Variants in MAGI2 observed in about 807,000 individuals in gnomAD.
MAGI2 encodes membrane associated guanylate kinase, WW and PDZ domain containing 2.
A neutral mutation model predicts 133.3 loss-of-function variants in MAGI2; 35 were observed. The ratio of observed to expected loss-of-function variants is 0.26; its 90% CI spans 0.20 to 0.35. The LOEUF (loss-of-function observed/expected upper bound fraction) is 0.35, where lower values mean the gene tolerates loss of function less well. Ranked by LOEUF, MAGI2 falls within the 10% of genes least tolerant of loss-of-function variation. The probability of loss-of-function intolerance (pLI) is 1.00; values close to 1 mark genes in which losing one functional copy is unlikely to be tolerated. For synonymous variants in MAGI2, 729 were observed against 710.6 expected (o/e 1.03, Z -0.41); for missense variants, 1,636 against 1,863.4 (o/e 0.88, Z 2.25).
intron 15 of MAGI2, among the ~76,000 whole-genome samples, chr7:78,166,094 G>A (rs557252750): frequency 6.6e-6 from 1 of 152,174 alleles, no homozygotes; most frequent in Non-Finnish European, 1.5e-5. Flanking sequence ...GAGTAAAGTT[G>A]GTAAGAGCTG....
intron 1 of MAGI2, among the ~76,000 whole-genome samples, chr7:79,295,871 T>C (rs1464251046): frequency 1.3e-5 from 2 of 152,170 alleles, no homozygotes; most frequent in African/African-American, 4.8e-5. Flanking sequence ...TCCAATTAAA[T>C]TGTGACAAAT....
intron 2 of MAGI2, among the ~76,000 whole-genome samples, chr7:78,834,949 G>A (rs747526965): frequency 2.0e-4 from 31 of 152,108 alleles, no homozygotes; most frequent in Non-Finnish European, 3.7e-4. Context: ...AGCTCCCTGA[G>A]GCCTCCTCAG....
At chr7:79,097,558 T>C (rs1054501510) in intron 1 of MAGI2, among the ~76,000 whole-genome samples, 9 of 152,086 alleles carry the variant, frequency 5.9e-5, no homozygotes, top group African/African-American at 2.2e-4. Flanking sequence ...AAGGCAGAGA[T>C]AGAACCTCAG....
At position 79,391,488 on chromosome 7, in the gene MAGI2, C is replaced by CAT. The variant is rs66941748; in HGVS notation, c.301+61530_301+61531dup. 1.9e-3 allele frequency among the ~76,000 whole-genome samples: 222 copies of CAT among 119,314 alleles called. 1 individual carries two copies. Among genetic ancestry groups the CAT allele is most frequent in the East Asian group, 9.4e-3 (38 of 4,024 alleles). The allele number at this position is 119,314 out of a possible 152,430, so 78.3% of individuals were successfully genotyped here. ...GTATTCTAAAAGCAATTACCTTTAACATATATATATATATATAGACATATA... is the reference window on the plus strand; with the variant it reads ...GTATTCTAAAAGCAATTACCTTTAACATATATATATATATATATAGACATATA... On this transcript the variant is annotated intron_variant, in intron 1 of 21. Transcript: ENST00000354212.
At chr7:78,569,784 C>G (rs1801321431) in intron 3 of MAGI2, among the ~76,000 whole-genome samples, 1 of 152,190 alleles carries the variant, frequency 6.6e-6, no homozygotes, top group Non-Finnish European at 1.5e-5. Context: ...GAAGTCTCCT[C>G]CTGATCTAGT....
chr7:79,410,711 G>A (rs148448222), intron 1 of MAGI2: 1 of 152,160 alleles, frequency 6.6e-6, no homozygotes, highest in Non-Finnish European at 1.5e-5. Context: ...AGTTTCATAG[G>A]AGTTCCATCA....
intron 3 of MAGI2, among the ~76,000 whole-genome samples, chr7:78,581,347 A>G (rs767622220): frequency 6.6e-6 from 1 of 152,196 alleles, no homozygotes. Context: ...CATTTTATAC[A>G]TATACATATG....
At chr7:78,979,550 CA>C (rs1391995141) in intron 2 of MAGI2, among the ~76,000 whole-genome samples, 1 of 151,786 alleles carries the variant, frequency 6.6e-6, no homozygotes, top group Non-Finnish European at 1.5e-5. Flanking sequence ...CAAAGTTATT[CA>C]AACAAACTAT....
At chr7:79,051,511 A>G (rs1416492613) in intron 1 of MAGI2, among the ~76,000 whole-genome samples, 1 of 152,222 alleles carries the variant, frequency 6.6e-6, no homozygotes, top group East Asian at 1.9e-4. Flanking sequence ...GCCATTTTTC[A>G]TCGTTTTGCA....
At chr7:78,801,514 T>A (rs2151386512) in intron 2 of MAGI2, among the ~76,000 whole-genome samples, 1 of 152,284 alleles carries the variant, frequency 6.6e-6, no homozygotes, top group East Asian at 1.9e-4. Context: ...AAAGTATGTG[T>A]GTCTGTATAT....
intron 1 of MAGI2, among the ~76,000 whole-genome samples, chr7:79,393,234 G>T (rs1164517053): frequency 6.6e-6 from 1 of 152,058 alleles, no homozygotes; most frequent in Non-Finnish European, 1.5e-5. Flanking sequence ...TATAATAATA[G>T]ACTCCAGTAA....
At chr7:78,361,057 C>G (rs1792730644) in intron 7 of MAGI2, among the ~76,000 whole-genome samples, 1 of 151,870 alleles carries the variant, frequency 6.6e-6, no homozygotes, top group Admixed American at 6.6e-5. Context: ...CTATGCTTAG[C>G]CTCTCCAGAA....
At chr7:78,936,045 G>A (rs150321451) in intron 2 of MAGI2, among the ~76,000 whole-genome samples, 44 of 152,018 alleles carry the variant, frequency 2.9e-4, no homozygotes, top group Non-Finnish European at 5.4e-4. Context: ...TTCCTCAGTT[G>A]AATCAAAGTC....
intron 2 of MAGI2, among the ~76,000 whole-genome samples, chr7:78,679,880 G>A (rs762776135): frequency 6.6e-6 from 1 of 152,126 alleles, no homozygotes; most frequent in Non-Finnish European, 1.5e-5. Context: ...GCCCACCACA[G>A]AGGCAATCAA....
At chr7:78,430,809 T>C (rs551237077) in intron 6 of MAGI2, among the ~76,000 whole-genome samples, 2 of 152,144 alleles carry the variant, frequency 1.3e-5, no homozygotes, top group Admixed American at 6.5e-5. Flanking sequence ...AAAATACAAA[T>C]AATGTGTTTA....
At chr7:78,199,528 G>T (rs544389789) in intron 11 of MAGI2, among the ~76,000 whole-genome samples, 11 of 152,194 alleles carry the variant, frequency 7.2e-5, no homozygotes, top group Admixed American at 5.9e-4. Context: ...AGCTTACGTA[G>T]CTAGCTCAAG....
chr7:78,732,395 C>A (rs1821451935), intron 2 of MAGI2, among the ~76,000 whole-genome samples: 1 of 152,116 alleles, frequency 6.6e-6, no homozygotes, highest in Non-Finnish European at 1.5e-5. Context: ...CTAGGAAAGC[C>A]TATGATATCA....
intron 15 of MAGI2, among the ~76,000 whole-genome samples, chr7:78,162,021 C>T (rs1438504464): frequency 6.6e-6 from 1 of 151,804 alleles, no homozygotes; most frequent in Non-Finnish European, 1.5e-5. Flanking sequence ...CATCACATGT[C>T]CTTTATCAGT....
intron 1 of MAGI2, among the ~76,000 whole-genome samples, chr7:79,302,732 C>A (rs930464351): frequency 6.6e-6 from 1 of 152,136 alleles, no homozygotes; most frequent in African/African-American, 2.4e-5. Context: ...CAGTAGCAGG[C>A]CTGGTTAGAG....
Sources: gnomAD v4.1 joint callset for allele counts (sites outside exome capture counted in the v4.1 genomes callset) on GRCh38, gnomAD v4.1.1 for gene constraint, MANE v1.5 for transcripts, NCBI Gene and HGNC (gene_info 2026-07-23, HGNC 2026-07-21) for gene names.